Variants in ZNF850 observed in about 807,000 individuals in gnomAD.
The protein encoded by ZNF850 is zinc finger protein 850, also known as putative zinc finger protein ENSP00000330994.
Under a neutral mutation model 11.9 loss-of-function variants are expected in ZNF850, and 2 were observed. The observed-to-expected ratio is 0.17, with a 90% CI of 0.07 to 0.53. ZNF850 has a LOEUF of 0.53. Among genes scored for constraint, ZNF850 ranks in the 20% least tolerant of loss-of-function variants. ZNF850 has a pLI of 0.94. For missense variants in ZNF850, 1,014 were observed against 1,316.4 expected, an observed-to-expected ratio of 0.77 and a Z score of 3.55; for synonymous variants, 381 against 443.0, an observed-to-expected ratio of 0.86 and a Z score of 1.76.
rs146180774 is a variant in ZNF850 at position 36,762,366 on chromosome 19, A to G, written c.78T>C (p.Ala26=). The G allele has an allele frequency of 2.6e-4, 412 of 1,588,662 alleles. 3 individuals carry two copies. In the African/African-American group the frequency reaches 4.8e-3, roughly 19 times the overall value. The change falls in exon 3 of 5, where the codon GCT becomes GCC. Residue 26 remains alanine, a synonymous_variant. Coordinates refer to ENST00000591344, the MANE Select transcript of ZNF850 (RefSeq NM_001193552.2). ...FSQEEWECLD[A]AQKDLYRDVM... ...CATCTCTGTATAAGTCCTTCTGAGC[A>G]GCGTCCAGGCACTCCCATTCCTCCT...
At chr19:36,754,304 T>A (rs1178581897) in intron 4 of ZNF850, among the ~76,000 whole-genome samples, 1 of 150,210 alleles carries the variant, frequency 6.7e-6, no homozygotes, top group East Asian at 2.0e-4. Context: ...AAGTAAAAAC[T>A]AAGAAAATGA....
In ZNF850 at chr19:36,747,030, A is replaced by C. The variant is rs1183183054; in HGVS notation, c.*737T>G. 2 of 152,374 alleles carry C rather than the reference A, an allele frequency of 1.3e-5. No individual in the cohort carries two copies. Among genetic ancestry groups the C allele is most frequent in the Non-Finnish European group, 1.5e-5 (1 of 68,308 alleles). The allele number at this position is 152,374 out of a possible 1,614,324, so 9.4% of individuals were successfully genotyped here. Reference sequence around the variant, plus strand: ...GCCAAGCATGGTGGTGCATGCCTGTAATCTGAGCTACTCAGGAGGCAGAGG... The same window carrying C: ...GCCAAGCATGGTGGTGCATGCCTGTCATCTGAGCTACTCAGGAGGCAGAGG... On this transcript the variant is annotated 3_prime_UTR_variant, in exon 5 of 5. Transcript: ENST00000591344.
intron 4 of ZNF850, among the ~76,000 whole-genome samples, chr19:36,751,712 A>G (rs1384571797): frequency 6.6e-6 from 1 of 150,572 alleles, no homozygotes; most frequent in Admixed American, 6.6e-5. Context: ...AAAAAAAAAA[A>G]AAAAAAAAAA....
In ZNF850 at chr19:36,750,552, A is replaced by C; in HGVS notation, c.488T>G (p.Ile163Ser). The change falls in exon 5 of 5, where the codon ATT becomes AGT. Residue 163 changes from isoleucine (I) to serine (S), a missense_variant. By Grantham distance (142) the Ile-to-Ser change is moderately radical. Coordinates refer to ENST00000591344, the MANE Select transcript of ZNF850 (RefSeq NM_001193552.2). ...TTTATACAGTTTCTCTCCAGGATGA[A>C]TCCGATGATGCAGAGTGAGAGATGT... ...LQTSLTLHHR[I>S]HPGEKLYKST... 3.9e-6 allele frequency: 6 copies of C among 1,536,160 alleles called. No homozygotes were observed. The highest frequency in any genetic ancestry group is 5.2e-6 in the Non-Finnish European group (6 of 1,146,918).
rs940681752 is a variant in ZNF850, at chr19:36,762,490, G to A, written c.13-59C>T. ...TTAAAGGAAAGGTTTTTAAGATGAA[G>A]GAAGAGATGGAAGGGTGCTGAAGGA... On this transcript the variant is annotated intron_variant, in intron 2 of 4. Coordinates refer to ENST00000591344, the MANE Select transcript of ZNF850 (RefSeq NM_001193552.2). 2.6e-6 allele frequency: 4 copies of A among 1,530,202 alleles called. No homozygotes were observed. The African/African-American group carries it at 5.5e-5, about 21-fold the overall frequency. The allele number at this position is 1,530,202 out of a possible 1,614,324, so 94.8% of individuals were successfully genotyped here.
At chr19:36,760,347 T>C (rs1221222738) in intron 4 of ZNF850, among the ~76,000 whole-genome samples, 2 of 152,124 alleles carry the variant, frequency 1.3e-5, no homozygotes, top group Admixed American at 1.3e-4. Flanking sequence ...CTCCGGAGGC[T>C]GTGGCACGAG....
rs57389152 is a variant in ZNF850, at chr19:36,748,986, C to T, written c.2054G>A (p.Arg685His). 9.1e-4 allele frequency: 1,458 copies of T among 1,604,130 alleles called. 14 individuals carry two copies. In the African/African-American group the frequency reaches 0.016, roughly 18 times the overall value. Residue 685 changes from arginine (R) to histidine (H), a missense_variant, in exon 5 of 5, where the codon CGT (arginine) becomes CAT (histidine). By Grantham distance (29) the Arg-to-His change is conservative (BLOSUM62 0). Around this residue, in one of 2 missense-constraint regions of ZNF850, gnomAD observed 835 missense variants for 1,022.0 expected, o/e 0.82. Coordinates refer to ENST00000591344, the MANE Select transcript of ZNF850 (RefSeq NM_001193552.2). ...CPDCGKAFRQ[R>H]TYLNQHRRIH... ...TCTCCGATGTTGATTAAGGTATGTA[C>T]GCTGTCTAAAGGCCTTCCCACAGTC...
intron 1 of ZNF850, among the ~76,000 whole-genome samples, chr19:36,766,608 C>T (rs2040550831): frequency 6.6e-6 from 1 of 152,182 alleles, no homozygotes; most frequent in East Asian, 1.9e-4. Context: ...GCAAACCTTT[C>T]CCCTCCGATC....
intron 1 of ZNF850, among the ~76,000 whole-genome samples, chr19:36,762,953 T>C (rs1300129601): frequency 1.3e-5 from 2 of 151,982 alleles, no homozygotes; most frequent in African/African-American, 2.4e-5. Context: ...TGCAGTGGCA[T>C]GATCACAGCT....
intron 4 of ZNF850, among the ~76,000 whole-genome samples, chr19:36,755,906 C>CTTTT (rs5827965): frequency 6.8e-5 from 8 of 118,068 alleles, no homozygotes; most frequent in South Asian, 2.9e-4. Context: ...AGTTTTTAGC[C>CTTTT]TTTTTTTTTT....
At chr19:36,766,047 C>T (rs938467491) in intron 1 of ZNF850, among the ~76,000 whole-genome samples, 1 of 151,782 alleles carries the variant, frequency 6.6e-6, no homozygotes, top group Non-Finnish European at 1.5e-5. Context: ...CACCACCACA[C>T]CTGGCTATTT....
In ZNF850 at chr19:36,749,640, T is replaced by C. The variant is rs1305946498; in HGVS notation, c.1400A>G (p.His467Arg). 1 of 1,554,104 alleles carries C rather than the reference T, an allele frequency of 6.4e-7. No homozygotes were observed. Among genetic ancestry groups the C allele is most frequent in the Non-Finnish European group, 8.7e-7 (1 of 1,153,042 alleles). ...TTTCTCACCAGTGTGAATCCGCTGA[T>C]GTTGAAGTAGTGCTGAGCCCGAAGC... ...SFASGSALLQHQRIHTGEKPY... is the reference protein window; with the variant it reads ...SFASGSALLQRQRIHTGEKPY... Residue 467 changes from histidine to arginine, a missense_variant, in exon 5 of 5, where the codon CAT becomes CGT. Physicochemically the swap from His to Arg is conservative, Grantham distance 29. Coordinates refer to ENST00000591344, the MANE Select transcript of ZNF850 (RefSeq NM_001193552.2).
chr19:36,767,766 G>A (rs2040557437), intron 1 of ZNF850, among the ~76,000 whole-genome samples: 1 of 150,834 alleles, frequency 6.6e-6, no homozygotes, highest in East Asian at 1.9e-4. Context: ...ACTTTTATTT[G>A]GGGGAAAAAA....
intron 1 of ZNF850, among the ~76,000 whole-genome samples, chr19:36,769,383 T>A (rs2040568724): frequency 6.6e-6 from 1 of 152,008 alleles, no homozygotes; most frequent in Non-Finnish European, 1.5e-5. Context: ...GAGGATCACT[T>A]GAACTCAGGA....
In ZNF850 at chr19:36,744,979, C is replaced by T. The variant is rs773754130; in HGVS notation, c.*2788G>A. On this transcript the variant is annotated 3_prime_UTR_variant, in exon 5 of 5. Transcript: ENST00000591344. ...CTACAAATACAAAAAATTAGCCAGG[C>T]GTGGTGGCGGGCACCTGTAGTCACA... The T allele has an allele frequency of 1.2e-4, 19 of 152,040 alleles. No individual in the cohort carries two copies. Among genetic ancestry groups the T allele is most frequent in the Non-Finnish European group, 2.1e-4 (14 of 68,100 alleles). 9.4% of individuals were successfully genotyped at this position (152,040 alleles called of 1,614,324 possible). A position where few individuals can be genotyped will look rare whatever the true frequency, so the allele number is the denominator to read the frequency against.
rs1382901069 is a variant in ZNF850, at chr19:36,750,342, G to T, written c.698C>A (p.Ala233Asp). 6.5e-7 allele frequency: 1 copy of T among 1,536,480 alleles called. No individual in the cohort carries two copies. Among genetic ancestry groups the T allele is most frequent in the Non-Finnish European group, 8.7e-7 (1 of 1,146,898 alleles). Residue 233 changes from alanine to aspartate, a missense_variant, in exon 5 of 5, where the codon GCT becomes GAT. Physicochemically the swap from Ala to Asp is moderately radical, Grantham distance 126 (BLOSUM62 -2). Transcript: ENST00000591344. ...AATAAGATGTGAGCCAGAAATAAAAGCTTTTCCATATTCTTTACATGCACA... is the reference window on the plus strand; with the variant it reads ...AATAAGATGTGAGCCAGAAATAAAATCTTTTCCATATTCTTTACATGCACA... ...KPCACKEYGK[A>D]FISGSHLIQH...
At chr19:36,759,172 T>C (rs2040504163) in intron 4 of ZNF850, among the ~76,000 whole-genome samples, 1 of 152,118 alleles carries the variant, frequency 6.6e-6, no homozygotes, top group Non-Finnish European at 1.5e-5. Flanking sequence ...AGAGCAGTCA[T>C]TTTAAATAGA....
At chr19:36,751,698 C>CAAAAAAAAAAAA (rs398038336) in intron 4 of ZNF850, among the ~76,000 whole-genome samples, 1 of 15,762 alleles carries the variant, frequency 6.3e-5, no homozygotes, top group African/African-American at 2.6e-4. Context: ...GACTCCATCT[C>CAAAAAAAAAAAA]AAAAAAAAAA....
intron 4 of ZNF850, 123 bp from the exon 5 acceptor site, chr19:36,750,927 G>A (rs11669642): frequency 0.25 from 274,361 of 1,093,016 alleles, 35,488 homozygotes; most frequent in South Asian, 0.33. Context: ...TGTGTTGGGC[G>A]TGGTGGCTCA....
Sources: allele counts gnomAD v4.1 joint callset (sites outside exome capture counted in the v4.1 genomes callset), GRCh38; gene constraint gnomAD v4.1.1; regional missense constraint gnomAD v4.1.1; transcripts MANE v1.5; gene names NCBI Gene and HGNC (gene_info 2026-07-23, HGNC 2026-07-21).